The following PROB1 variants were observed in gnomAD, a reference collection of about 807,000 sequenced individuals.
The protein encoded by PROB1 is proline-rich basic protein 1.
For missense variants in PROB1, 1,453 were observed against 1,485.7 expected (o/e 0.98, Z 0.36); for synonymous variants, 660 against 699.3 (o/e 0.94, Z 0.89).
At position 139,393,840 on chromosome 5, in the gene PROB1, G is replaced by A. The variant is rs1387762747; in HGVS notation, c.1242C>T (p.Asn414=). 1.3e-6 allele frequency: 2 copies of A among 1,551,016 alleles called. No individual in the cohort carries two copies. The highest frequency in any genetic ancestry group is 1.7e-6 in the Non-Finnish European group (2 of 1,146,878). The change falls in exon 1 of 1, where the codon AAC becomes AAT. Residue 414 remains asparagine (N), a synonymous_variant. Coordinates refer to ENST00000434752, the MANE Select transcript of PROB1 (RefSeq NM_001161546.2). ...GAGTAGTCCGATCCCACGGGGACAG[G>A]TTCTGGGGCGACGGGCAGCGAGGAC... is the stretch of plus-strand genomic sequence containing the variant. The part of the protein sequence containing the change: ...VRGPRCPSPQ[N]LSPWDRTTRR...
chr5:139,393,150 T>C lies in PROB1; in HGVS notation c.1932A>G (p.Gln644=). The change falls in exon 1 of 1, where the codon CAA becomes CAG. Residue 644 remains glutamine (Q), a synonymous_variant. Coordinates refer to ENST00000434752, the MANE Select transcript of PROB1 (RefSeq NM_001161546.2). The part of the protein sequence containing the change: ...TYAPGFPAGA[Q]GSGLPAPPAD... ...CAGGAGGCGCAGGCAGCCCAGAGCC[T>C]TGTGCTCCTGCCGGGAAGCCTGGCG... 1.3e-6 allele frequency: 2 copies of C among 1,545,708 alleles called. No homozygotes were observed. The highest frequency in any genetic ancestry group is 1.7e-6 in the Non-Finnish European group (2 of 1,144,090).
At position 139,392,658 on chromosome 5, in the gene PROB1, G is replaced by A. The variant is rs1758618202; in HGVS notation, c.2424C>T (p.Ala808=). 2 of 1,395,890 alleles carry A rather than the reference G, an allele frequency of 1.4e-6. No individual in the cohort carries two copies. The highest frequency in any genetic ancestry group is 1.5e-5 in the African/African-American group (1 of 65,362). The allele number at this position is 1,395,890 out of a possible 1,614,324, so 86.5% of individuals were successfully genotyped here. The change falls in exon 1 of 1, where the codon GCC becomes GCT. Residue 808 remains alanine, a synonymous_variant. Transcript: ENST00000434752. This position sits in a 1 kb window ranked among gnomAD's most constrained non-coding sequence, Gnocchi z 5.8. ...TGGGTGCTATCCCAGGGCTCGGGCT[G>A]GCTTGCATCTGAGGGGAGCCGGGGC... The part of the protein sequence containing the change: ...SPRPGSPQMQ[A]SPSPGIAPKP...
rs1461872601 is a variant in PROB1 at position 139,392,049 on chromosome 5, T to C, written c.3033A>G (p.Ser1011=). The change falls in exon 1 of 1, where the codon TCA becomes TCG. Residue 1011 remains serine (S), a synonymous_variant. Coordinates refer to ENST00000434752, the MANE Select transcript of PROB1 (RefSeq NM_001161546.2). This position sits in a 1 kb window ranked among gnomAD's most constrained non-coding sequence, Gnocchi z 5.8. ...GCCCGGGGCCTCACAGCGGGAACAA[T>C]GAACCCTTGCCGGGCTGGGTGGGAC... is the stretch of plus-strand genomic sequence containing the variant. ...SSGPTQPGKG[S]LFPL 2.9e-6 allele frequency: 4 copies of C among 1,395,414 alleles called. No individual in the cohort carries two copies. The East Asian group carries it at 8.9e-5, about 31-fold the overall frequency. 86.4% of individuals were successfully genotyped at this position (1,395,414 alleles called of 1,614,324 possible). A position where few individuals can be genotyped will look rare whatever the true frequency, so the allele number is the denominator to read the frequency against.
In PROB1 at chr5:139,393,157, C is replaced by G. The variant is rs960981866; in HGVS notation, c.1925G>C (p.Gly642Ala). ...KTTYAPGFPA[G>A]AQGSGLPAPP... Reference sequence around the variant, plus strand: ...CGCAGGCAGCCCAGAGCCTTGTGCTCCTGCCGGGAAGCCTGGCGCGTACGT... The same window carrying G: ...CGCAGGCAGCCCAGAGCCTTGTGCTGCTGCCGGGAAGCCTGGCGCGTACGT... Residue 642 changes from glycine (G) to alanine (A), a missense_variant, in exon 1 of 1, where the codon GGA becomes GCA. Coordinates refer to ENST00000434752, the MANE Select transcript of PROB1 (RefSeq NM_001161546.2). 6.5e-7 allele frequency: 1 copy of G among 1,546,692 alleles called. No homozygotes were observed. The highest frequency in any genetic ancestry group is 8.7e-7 in the Non-Finnish European group (1 of 1,144,598).
rs1362826442 is a variant in PROB1, at chr5:139,394,904, C to G, written c.178G>C (p.Ala60Pro). ...AKGPANWPWV[A>P]PGRGAGAQPR... ...TGCGCGCCCGCCCCCCGCCCAGGAG[C>G]CACCCAGGGCCAATTCGCTGGGCCT... The change falls in exon 1 of 1, where the codon GCT (alanine) becomes CCT (proline). Residue 60 changes from alanine (A) to proline (P), a missense_variant. By Grantham distance (27) the Ala-to-Pro change is conservative (BLOSUM62 -1). Transcript: ENST00000434752. 6.6e-7 allele frequency: 1 copy of G among 1,508,690 alleles called. No individual in the cohort carries two copies. Among genetic ancestry groups the G allele is most frequent in the African/African-American group, 1.5e-5 (1 of 68,502 alleles). 93.5% of individuals were successfully genotyped at this position (1,508,690 alleles called of 1,614,324 possible).
rs1758672669 is a variant in PROB1, at chr5:139,394,978, T to G, written c.104A>C (p.Tyr35Ser). The G allele has an allele frequency of 6.6e-7, 1 of 1,513,942 alleles. No individual in the cohort carries two copies. Among genetic ancestry groups the G allele is most frequent in the Non-Finnish European group, 8.8e-7 (1 of 1,132,900 alleles). 93.8% of individuals were successfully genotyped at this position (1,513,942 alleles called of 1,614,324 possible). The change falls in exon 1 of 1, where the codon TAC (tyrosine) becomes TCC (serine). Residue 35 changes from tyrosine to serine, a missense_variant. Transcript: ENST00000434752. ...GGGCTCCGGAGAACCTGGAGCCGTGTAGTAGGAGCCTGACGAACCGGAGGA... is the reference window on the plus strand; with the variant it reads ...GGGCTCCGGAGAACCTGGAGCCGTGGAGTAGGAGCCTGACGAACCGGAGGA... ...QDSSGSSGSY[Y>S]TAPGSPEPPD...
At position 139,395,001 on chromosome 5, in the gene PROB1, G is replaced by A; in HGVS notation, c.81C>T (p.Ser27=). ...TGTAGTAGGAGCCTGACGAACCGGA[G>A]GAGTCCTGGCGCCGCGCGGGGGCCG... ...LPTAPARRQD[S]SGSSGSYYTA... is the part of the protein sequence containing the mutation. Residue 27 remains serine, a synonymous_variant, in exon 1 of 1, where the codon TCC becomes TCT. Transcript: ENST00000434752. 6.7e-7 allele frequency: 1 copy of A among 1,491,620 alleles called. No individual in the cohort carries two copies. The highest frequency in any genetic ancestry group is 1.3e-5 in the South Asian group (1 of 77,618). The allele number at this position is 1,491,620 out of a possible 1,614,324, so 92.4% of individuals were successfully genotyped here. A position where few individuals can be genotyped will look rare whatever the true frequency, so the allele number is the denominator to read the frequency against.
Position 139,393,234 on chromosome 5 carries a change from GC to G in PROB1, c.1847del (p.Arg616ProfsTer16). ...VLGPGEAASG[R>X]PRMAIPRPRD... is the part of the protein sequence containing the mutation. ...GAGGCCGCGGAATGGCCATGCGCGG[GC>G]GTCCCGAGGCCGCCTCTCCAGGACC... On this transcript the variant is annotated frameshift_variant, in exon 1 of 1. Transcript: ENST00000434752. LOFTEE classifies it low-confidence loss of function (END_TRUNC). 53 of 1,549,034 alleles carry G rather than the reference GC, an allele frequency of 3.4e-5. No individual in the cohort carries two copies. The highest frequency in any genetic ancestry group is 4.6e-5 in the Non-Finnish European group (53 of 1,146,898).
In PROB1 at chr5:139,392,031, G is replaced by C; in HGVS notation, c.*3C>G. ...CCAACTCCATGGGGATCGGCCCGGG[G>C]CCTCACAGCGGGAACAATGAACCCT... On this transcript the variant is annotated 3_prime_UTR_variant, in exon 1 of 1. Transcript: ENST00000434752. This position sits in a 1 kb window ranked among gnomAD's most constrained non-coding sequence, Gnocchi z 5.8. 1 of 1,389,738 alleles carries C rather than the reference G, an allele frequency of 7.2e-7. No individual in the cohort carries two copies. 86.1% of individuals were successfully genotyped at this position (1,389,738 alleles called of 1,614,324 possible).
rs953036845 is a variant in PROB1, at chr5:139,393,101, C to G, written c.1981G>C (p.Gly661Arg). ...PPADPCGEEG[G>R]ESKTQEPPAL... ...GGCGGCTCTTGCGTCTTGGATTCGC[C>G]GCCCTCCTCCCCGCAGGGGTCGGCA... The change falls in exon 1 of 1, where the codon GGC (glycine) becomes CGC (arginine). Residue 661 changes from glycine (G) to arginine (R), a missense_variant. By Grantham distance (125) the Gly-to-Arg change is moderately radical. Coordinates refer to ENST00000434752, the MANE Select transcript of PROB1 (RefSeq NM_001161546.2). The G allele has an allele frequency of 6.6e-7, 1 of 1,522,656 alleles. No individual in the cohort carries two copies. Among genetic ancestry groups the G allele is most frequent in the Non-Finnish European group, 8.8e-7 (1 of 1,132,312 alleles). 94.3% of individuals were successfully genotyped at this position (1,522,656 alleles called of 1,614,324 possible). A position where few individuals can be genotyped will look rare whatever the true frequency, so the allele number is the denominator to read the frequency against.
At position 139,392,075 on chromosome 5, in the gene PROB1, C is replaced by A; in HGVS notation, c.3007G>T (p.Gly1003Cys). 7.1e-7 allele frequency: 1 copy of A among 1,408,214 alleles called. No homozygotes were observed. Among genetic ancestry groups the A allele is most frequent in the South Asian group, 1.6e-5 (1 of 62,500 alleles). 87.2% of individuals were successfully genotyped at this position (1,408,214 alleles called of 1,614,324 possible). A position where few individuals can be genotyped will look rare whatever the true frequency, so the allele number is the denominator to read the frequency against. Residue 1003 changes from glycine (G) to cysteine (C), a missense_variant, in exon 1 of 1, where the codon GGT becomes TGT. Transcript: ENST00000434752. The surrounding 1 kb of genome is among the most constrained non-coding windows in gnomAD (Gnocchi z 5.8). ...LLLCAPPSSS[G>C]PTQPGKGSLF... ...GAACCCTTGCCGGGCTGGGTGGGAC[C>A]TGAGCTGGAGGGCGGCGCACAGAGG... is the stretch of plus-strand genomic sequence containing the variant.
In PROB1 at chr5:139,392,660, C is replaced by G. The variant is rs780631881; in HGVS notation, c.2422G>C (p.Ala808Pro). The change falls in exon 1 of 1, where the codon GCC (alanine) becomes CCC (proline). Residue 808 changes from alanine (A) to proline (P), a missense_variant. By Grantham distance (27) the Ala-to-Pro change is conservative. Transcript: ENST00000434752. This position sits in a 1 kb window ranked among gnomAD's most constrained non-coding sequence, Gnocchi z 5.8. ...SPRPGSPQMQASPSPGIAPKP... is the reference protein window; with the variant it reads ...SPRPGSPQMQPSPSPGIAPKP... Reference sequence around the variant, plus strand: ...GGTGCTATCCCAGGGCTCGGGCTGGCTTGCATCTGAGGGGAGCCGGGGCGG... The same window carrying G: ...GGTGCTATCCCAGGGCTCGGGCTGGGTTGCATCTGAGGGGAGCCGGGGCGG... 27 of 1,395,528 alleles carry G rather than the reference C, an allele frequency of 1.9e-5. 1 individual carries two copies. The highest frequency in any genetic ancestry group is 1.9e-4 in the Middle Eastern group (1 of 5,250). 86.4% of individuals were successfully genotyped at this position (1,395,528 alleles called of 1,614,324 possible).
Position 139,392,011 on chromosome 5 carries a change from T to C in PROB1, c.*23A>G, listed in dbSNP as rs1037866644. On this transcript the variant is annotated 3_prime_UTR_variant, in exon 1 of 1. Transcript: ENST00000434752. The surrounding 1 kb of genome is among the most constrained non-coding windows in gnomAD (Gnocchi z 5.8). ...CTCCCAGGCATCCAAGGGCTCCAAC[T>C]CCATGGGGATCGGCCCGGGGCCTCA... 5 of 1,363,094 alleles carry C rather than the reference T, an allele frequency of 3.7e-6. No homozygotes were observed. The African/African-American group carries it at 7.6e-5, about 21-fold the overall frequency. 84.4% of individuals were successfully genotyped at this position (1,363,094 alleles called of 1,614,324 possible).
rs1445588836 is a variant in PROB1 at position 139,393,570 on chromosome 5, C to T, written c.1512G>A (p.Trp504Ter). The change falls in exon 1 of 1, where the codon TGG (tryptophan) becomes TGA (stop). Residue 504 changes from tryptophan (W) to a stop codon, truncating the protein, a stop_gained. Transcript: ENST00000434752. LOFTEE classifies it low-confidence loss of function (END_TRUNC). ...TTCCAATAGGACGATCTGGAGCCTC[C>T]CACGGGAAGAAGGCCGGCGGGGACG... ...SSPSPPAFFP[W>*]EAPDRPIGTW... 12 of 1,551,034 alleles carry T rather than the reference C, an allele frequency of 7.7e-6. No individual in the cohort carries two copies.
rs1581394139 is a variant in PROB1, at chr5:139,392,335, A to T, written c.2747T>A (p.Val916Glu). The T allele has an allele frequency of 6.5e-7, 1 of 1,533,644 alleles. No homozygotes were observed. Among genetic ancestry groups the T allele is most frequent in the East Asian group, 2.6e-5 (1 of 39,080 alleles). The stretch of plus-strand genomic sequence containing the variant: ...CCCGGGAGACGAGGGCGGCAGCAAC[A>T]CCTCCACGTACTGCCCACTCTCAGG... ...FDPESGQYVE[V>E]LLPPSSPGPP... is the part of the protein sequence containing the mutation. The change falls in exon 1 of 1, where the codon GTG becomes GAG. Residue 916 changes from valine to glutamate, a missense_variant. Physicochemically the swap from Val to Glu is moderately radical, Grantham distance 121. Transcript: ENST00000434752. The surrounding 1 kb of genome is among the most constrained non-coding windows in gnomAD (Gnocchi z 5.8).
In PROB1 at chr5:139,393,054, C is replaced by G; in HGVS notation, c.2028G>C (p.Pro676=). 1 of 1,531,924 alleles carries G rather than the reference C, an allele frequency of 6.5e-7. No individual in the cohort carries two copies. The highest frequency in any genetic ancestry group is 1.7e-4 in the Middle Eastern group (1 of 5,876). 94.9% of individuals were successfully genotyped at this position (1,531,924 alleles called of 1,614,324 possible). A position where few individuals can be genotyped will look rare whatever the true frequency, so the allele number is the denominator to read the frequency against. The change falls in exon 1 of 1, where the codon CCG becomes CCC. Residue 676 remains proline (P), a synonymous_variant. Coordinates refer to ENST00000434752, the MANE Select transcript of PROB1 (RefSeq NM_001161546.2). ...QEPPALGPPA[P]AHYTSVFIKD... is the part of the protein sequence containing the mutation. ...TGATGAAAACGGAAGTGTAGTGAGC[C>G]GGGGCGGGGGGCCCCAGTGCTGGCG...
rs1173817675 is a variant in PROB1, at chr5:139,392,851, C to G, written c.2231G>C (p.Arg744Pro). The change falls in exon 1 of 1, where the codon CGG becomes CCG. Residue 744 changes from arginine to proline, a missense_variant. Coordinates refer to ENST00000434752, the MANE Select transcript of PROB1 (RefSeq NM_001161546.2). The surrounding 1 kb of genome is among the most constrained non-coding windows in gnomAD (Gnocchi z 5.8). The part of the protein sequence containing the change: ...RLPGALALGR[R>P]PEVTSRVRAR... ...TCGCACTCGCGAGGTTACCTCGGGC[C>G]GGCGACCCAAGGCCAGGGCCCCAGG... 6 of 1,540,748 alleles carry G rather than the reference C, an allele frequency of 3.9e-6. No individual in the cohort carries two copies. The highest frequency in any genetic ancestry group is 2.8e-5 in the African/African-American group (2 of 72,716).
chr5:139,394,926 G>T lies in PROB1; in HGVS notation c.156C>A (p.Gly52=), dbSNP rs1758670586. Residue 52 remains glycine (G), a synonymous_variant, in exon 1 of 1, where the codon GGC becomes GGA. Transcript: ENST00000434752. ...GAGCCACCCAGGGCCAATTCGCTGG[G>T]CCTTTCGCGTCCGGCCCAACGTCCG... ...EPPDVGPDAK[G]PANWPWVAPG... 3.9e-6 allele frequency: 6 copies of T among 1,519,918 alleles called. No individual in the cohort carries two copies. In the East Asian group the frequency reaches 1.1e-4, roughly 27 times the overall value. The allele number at this position is 1,519,918 out of a possible 1,614,324, so 94.2% of individuals were successfully genotyped here.
rs1758615498 is a variant in PROB1, at chr5:139,392,517, C to G, written c.2565G>C (p.Ser855=). Residue 855 remains serine (S), a synonymous_variant, in exon 1 of 1, where the codon TCG becomes TCC. Transcript: ENST00000434752. This position sits in a 1 kb window ranked among gnomAD's most constrained non-coding sequence, Gnocchi z 5.8. The part of the protein sequence containing the change: ...RTAPAQPRAA[S]APPTDRSPQS... ...GCGGGGACCGGTCCGTGGGAGGCGC[C>G]GAGGCAGCGCGGGGCTGGGCTGGGG... The G allele has an allele frequency of 6.7e-6, 9 of 1,342,848 alleles. No individual in the cohort carries two copies. In the South Asian group the frequency reaches 1.7e-4, roughly 25 times the overall value. The allele number at this position is 1,342,848 out of a possible 1,614,324, so 83.2% of individuals were successfully genotyped here. A position where few individuals can be genotyped will look rare whatever the true frequency, so the allele number is the denominator to read the frequency against.
Sources: allele counts gnomAD v4.1 joint callset, GRCh38; gene constraint gnomAD v4.1.1; non-coding constraint Gnocchi (gnomAD v3.1); transcripts MANE v1.5; gene names NCBI Gene and HGNC (gene_info 2026-07-23, HGNC 2026-07-21).